Variants in MPDZ observed in about 807,000 individuals in gnomAD.
The protein encoded by MPDZ is multiple PDZ domain crumbs cell polarity complex component, also known as multiple PDZ domain protein.
In MPDZ, 234 loss-of-function variants were observed where a neutral mutation model predicts 239.1. That is an observed-to-expected ratio of 0.98 (90% CI 0.88 to 1.09). The LOEUF (loss-of-function observed/expected upper bound fraction) is 1.09. Ranked by LOEUF, MPDZ falls within the 50% of genes least tolerant of loss-of-function variation. MPDZ has a pLI of 0.00. For synonymous variants in MPDZ, 1,048 were observed against 881.3 expected (o/e 1.19, Z -3.35); for missense variants, 3,175 against 2,510.0 (o/e 1.26, Z -5.66).
At chr9:13,241,697 T>C (rs542553442) in intron 3 of MPDZ, among the ~76,000 whole-genome samples, 1 of 152,184 alleles carries the variant, frequency 6.6e-6, no homozygotes, top group Non-Finnish European at 1.5e-5. Flanking sequence ...AGCAAGAAAA[T>C]GCTCAGTTCA....
At chr9:13,233,126 T>G (rs960950860) in intron 3 of MPDZ, among the ~76,000 whole-genome samples, 8 of 152,104 alleles carry the variant, frequency 5.3e-5, no homozygotes, top group African/African-American at 1.9e-4. Context: ...ATAATCGCTT[T>G]GGAAAACAGT....
chr9:13,245,359 G>C (rs1966355006), intron 3 of MPDZ, among the ~76,000 whole-genome samples: 2 of 148,312 alleles, frequency 1.3e-5, no homozygotes, highest in Non-Finnish European at 3.0e-5. Context: ...AGTTATTAAT[G>C]ATTTTAAACA....
intron 39 of MPDZ, among the ~76,000 whole-genome samples, chr9:13,116,417 T>C (rs573724722): frequency 3.9e-5 from 6 of 152,306 alleles, no homozygotes; most frequent in Admixed American, 3.9e-4. Flanking sequence ...GGAGTAAGAT[T>C]AATATAAATA....
At chr9:13,136,829 G>A (rs1177707771) in intron 29 of MPDZ, 26 bp from the exon 30 acceptor site, 4 of 1,424,158 alleles carry the variant, frequency 2.8e-6, no homozygotes, top group Non-Finnish European at 3.9e-6. Flanking sequence ...ATCATTAGTT[G>A]GGCCTGAAAT....
At chr9:13,215,753 GTTTT>G (rs56281339) in intron 10 of MPDZ, among the ~76,000 whole-genome samples, 5 of 89,048 alleles carry the variant, frequency 5.6e-5, no homozygotes, top group Non-Finnish European at 1.0e-4. Context: ...TCTATTGCAG[GTTTT>G]TTTTTTTTTT....
intron 1 of MPDZ, among the ~76,000 whole-genome samples, chr9:13,267,963 G>C (rs1972128107): frequency 6.6e-6 from 1 of 152,062 alleles, no homozygotes; most frequent in African/African-American, 2.4e-5. Flanking sequence ...GCAAAACACA[G>C]AGTCATTAAG....
At chr9:13,128,648 G>T (rs1342486973) in intron 32 of MPDZ, among the ~76,000 whole-genome samples, 1 of 152,216 alleles carries the variant, frequency 6.6e-6, no homozygotes, top group African/African-American at 2.4e-5. Flanking sequence ...AATGGGGTTT[G>T]AACAACTGAA....
chr9:13,147,565 T>C lies in MPDZ; in HGVS notation c.3724A>G (p.Ile1242Val), dbSNP rs544590605. 3 of 1,612,040 alleles carry C rather than the reference T, an allele frequency of 1.9e-6. No individual in the cohort carries two copies. The highest frequency in any genetic ancestry group is 4.5e-5 in the East Asian group (2 of 44,838). The part of the protein sequence containing the change: ...GNPVVFMVQS[I>V]INRPRKSPLP... ...TCGCTTACCCTTGGTCTGTTTATAA[T>C]GCTCTGTACCATAAAGACTACAGGG... Residue 1242 changes from isoleucine to valine, a missense_variant, in exon 26 of 47, where the codon ATT becomes GTT. Transcript: ENST00000319217.
chr9:13,208,605 T>A (rs1957258185), intron 10 of MPDZ, among the ~76,000 whole-genome samples: 1 of 151,030 alleles, frequency 6.6e-6, no homozygotes, highest in Non-Finnish European at 1.5e-5. Flanking sequence ...TAGGTGTGTA[T>A]ATATGTAATT....
intron 36 of MPDZ, among the ~76,000 whole-genome samples, 161 bp downstream of exon 36, chr9:13,122,992 C>T (rs1440944094): frequency 6.6e-6 from 1 of 152,170 alleles, no homozygotes; most frequent in Non-Finnish European, 1.5e-5. Flanking sequence ...AAACCTCCCC[C>T]GTATCCAATT....
chr9:13,119,865 A>G (rs1221512241), intron 38 of MPDZ: 1 of 564,404 alleles, frequency 1.8e-6, no homozygotes, highest in Non-Finnish European at 3.1e-6. Flanking sequence ...ATGATCTCCA[A>G]TAAGCATATT....
chr9:13,170,579 G>A (rs942486579), intron 21 of MPDZ, among the ~76,000 whole-genome samples: 2 of 152,058 alleles, frequency 1.3e-5, no homozygotes, highest in Non-Finnish European at 2.9e-5. Flanking sequence ...ACTGTACTTT[G>A]GTAAAATAAA....
intron 21 of MPDZ, among the ~76,000 whole-genome samples, chr9:13,174,912 G>T (rs1055003838): frequency 3.3e-5 from 5 of 152,184 alleles, no homozygotes; most frequent in Non-Finnish European, 7.3e-5. Context: ...AGTAAGCACT[G>T]CTGGATTCCT....
At chr9:13,109,539 C>A (rs1942063906) in intron 45 of MPDZ, among the ~76,000 whole-genome samples, 1 of 152,068 alleles carries the variant, frequency 6.6e-6, no homozygotes, top group African/African-American at 2.4e-5. Context: ...CTTTTGTATC[C>A]AAGTATTGTT....
At chr9:13,167,224 T>C (rs548847115) in intron 22 of MPDZ, among the ~76,000 whole-genome samples, 1 of 152,228 alleles carries the variant, frequency 6.6e-6, no homozygotes, top group Non-Finnish European at 1.5e-5. Context: ...ATAAAAGGAC[T>C]GACATTTTTA....
chr9:13,118,702 A>G (rs774683949), intron 39 of MPDZ, among the ~76,000 whole-genome samples: 1 of 152,230 alleles, frequency 6.6e-6, no homozygotes, highest in Non-Finnish European at 1.5e-5. Flanking sequence ...ATATTCCCTG[A>G]CAGAGAATAT....
intron 24 of MPDZ, among the ~76,000 whole-genome samples, chr9:13,153,339 A>C (rs1296262731): frequency 6.6e-6 from 1 of 152,110 alleles, no homozygotes; most frequent in Non-Finnish European, 1.5e-5. Context: ...ATCTTATAAA[A>C]TTTTTGTGAA....
chr9:13,255,873 T>C (rs1339962473), intron 1 of MPDZ, among the ~76,000 whole-genome samples: 1 of 152,226 alleles, frequency 6.6e-6, no homozygotes. Context: ...GACATCACCA[T>C]CTGCATTAGC....
At chr9:13,260,347 T>C (rs1162271834) in intron 1 of MPDZ, among the ~76,000 whole-genome samples, 1 of 152,140 alleles carries the variant, frequency 6.6e-6, no homozygotes, top group Non-Finnish European at 1.5e-5. Flanking sequence ...ATGTAAGTAC[T>C]GTGACATGGT....
Sources: allele counts gnomAD v4.1 joint callset (sites outside exome capture counted in the v4.1 genomes callset), GRCh38; gene constraint gnomAD v4.1.1; transcripts MANE v1.5; gene names NCBI Gene and HGNC (gene_info 2026-07-23, HGNC 2026-07-21).